The following RUFY1 variants were observed in gnomAD, a reference collection of about 807,000 sequenced individuals.
RUFY1 encodes the protein RUN and FYVE domain containing 1, also known as RUN and FYVE domain-containing protein 1.
RUFY1 carries 54 observed loss-of-function variants against 94.6 expected under a neutral mutation model. That is an observed-to-expected ratio of 0.57 (90% CI 0.46 to 0.72). The LOEUF (loss-of-function observed/expected upper bound fraction) is 0.72, where lower values mean the gene tolerates loss of function less well. RUFY1 is among the 30% of genes least tolerant of loss of function. The probability of loss-of-function intolerance (pLI) is 0.00; values close to 1 mark genes in which losing one functional copy is unlikely to be tolerated. For missense variants in RUFY1, 883 were observed against 883.9 expected (o/e 1.00, Z 0.01); for synonymous variants, 396 against 347.3 (o/e 1.14, Z -1.56).
chr5:179,569,226 G>T, intron 4 of RUFY1, 76 bp from the exon 5 acceptor site: 1 of 1,606,908 alleles, frequency 6.2e-7, no homozygotes, highest in Non-Finnish European at 8.5e-7. Context: ...AGGTGAAAAG[G>T]CAGTTCAGGG....
chr5:179,582,671 C>A (rs935345988), intron 7 of RUFY1, among the ~76,000 whole-genome samples: 1 of 151,714 alleles, frequency 6.6e-6, no homozygotes, highest in Non-Finnish European at 1.5e-5. Flanking sequence ...TGGGGAAACC[C>A]CATCTCTACT....
chr5:179,564,501 T>C (rs1468064669), intron 3 of RUFY1, among the ~76,000 whole-genome samples: 1 of 149,816 alleles, frequency 6.7e-6, no homozygotes, highest in Non-Finnish European at 1.5e-5. Context: ...CTCAGCTCAC[T>C]GTAAGCTCCA....
chr5:179,606,114 G>A (rs958726295), intron 16 of RUFY1, 190 bp downstream of exon 16: 5 of 597,462 alleles, frequency 8.4e-6, no homozygotes, highest in African/African-American at 1.9e-5. Context: ...ACAGGTGGCC[G>A]AAGCTGAGCC....
chr5:179,587,207 C>G (rs1252116552), intron 8 of RUFY1, among the ~76,000 whole-genome samples: 2 of 151,980 alleles, frequency 1.3e-5, no homozygotes, highest in African/African-American at 2.4e-5. Context: ...TACACACCAC[C>G]AACACCCGGC....
At chr5:179,605,309 C>T (rs1025562640) in intron 15 of RUFY1, among the ~76,000 whole-genome samples, 13 of 150,320 alleles carry the variant, frequency 8.6e-5, no homozygotes, top group African/African-American at 2.7e-4. Context: ...CAGACTGTTT[C>T]CCTCAATTGC....
chr5:179,594,822 G>T (rs757153712), intron 11 of RUFY1, 44 bp from the exon 12 acceptor site: 2 of 1,216,660 alleles, frequency 1.6e-6, no homozygotes, highest in Admixed American at 3.4e-5. Flanking sequence ...CAGGTGCAAG[G>T]ATGTGGGACA....
At chr5:179,587,116 C>T (rs1240469684) in intron 8 of RUFY1, among the ~76,000 whole-genome samples, 2 of 150,890 alleles carry the variant, frequency 1.3e-5, no homozygotes, top group African/African-American at 2.4e-5. Context: ...TGCAGTGGCG[C>T]AGTCATAGCT....
chr5:179,564,536 C>T (rs1227336907), intron 3 of RUFY1, among the ~76,000 whole-genome samples: 2 of 151,622 alleles, frequency 1.3e-5, no homozygotes, highest in African/African-American at 2.4e-5. Context: ...GTGATCTTTC[C>T]CACCTCAGCC....
chr5:179,603,342 G>A (rs1249364454), intron 15 of RUFY1, among the ~76,000 whole-genome samples: 3 of 151,662 alleles, frequency 2.0e-5, no homozygotes, highest in Non-Finnish European at 4.4e-5. Flanking sequence ...CCCAGATGCA[G>A]GTGCTGGCCA....
chr5:179,579,497 A>AT (rs1479532985), intron 6 of RUFY1, among the ~76,000 whole-genome samples: 8 of 151,178 alleles, frequency 5.3e-5, no homozygotes, highest in Non-Finnish European at 8.9e-5. Context: ...CACCTGGCTA[A>AT]TTTTTTGTAT....
At chr5:179,590,212 G>A (rs1764942215) in intron 9 of RUFY1, among the ~76,000 whole-genome samples, 1 of 151,856 alleles carries the variant, frequency 6.6e-6, no homozygotes, top group Non-Finnish European at 1.5e-5. Flanking sequence ...CAGTTAGCTG[G>A]GCGTGGTGGC....
At chr5:179,551,045 G>T (rs899261588) in intron 1 of RUFY1, among the ~76,000 whole-genome samples, 166 bp downstream of exon 1, 4 of 151,836 alleles carry the variant, frequency 2.6e-5, no homozygotes, top group Non-Finnish European at 4.4e-5. Context: ...TTACTCCGGC[G>T]GCCCAGCCGA....
At chr5:179,576,423 T>A (rs1182512447) in intron 5 of RUFY1, among the ~76,000 whole-genome samples, 1 of 152,074 alleles carries the variant, frequency 6.6e-6, no homozygotes, top group Admixed American at 6.6e-5. Context: ...ATTTTTATCT[T>A]ATTTTATTTT....
intron 9 of RUFY1, 47 bp downstream of exon 9, chr5:179,589,694 C>G (rs1212866557): frequency 7.6e-7 from 1 of 1,319,700 alleles, no homozygotes; most frequent in Non-Finnish European, 1.1e-6. Context: ...CACTCAGACA[C>G]ACCTATTGTC....
At chr5:179,585,073 G>A (rs1764491202) in intron 7 of RUFY1, among the ~76,000 whole-genome samples, 1 of 152,162 alleles carries the variant, frequency 6.6e-6, no homozygotes, top group African/African-American at 2.4e-5. Flanking sequence ...GGAGGTTCCA[G>A]TGAGTTGAGC....
chr5:179,569,187 C>T, intron 4 of RUFY1, 115 bp from the exon 5 acceptor site: 4 of 1,572,700 alleles, frequency 2.5e-6, no homozygotes, highest in Non-Finnish European at 3.4e-6. Flanking sequence ...GGAGGAAATC[C>T]ACAGCAGTAT....
intron 5 of RUFY1, 109 bp downstream of exon 5, chr5:179,569,534 A>C (rs1173027658): frequency 1.8e-6 from 2 of 1,094,758 alleles, no homozygotes; most frequent in Admixed American, 3.5e-5. Flanking sequence ...CAAAGAGCCC[A>C]CTGGTAGAGG....
At chr5:179,596,447 T>G (rs1355504867) in intron 12 of RUFY1, 115 bp from the exon 13 acceptor site, 1 of 1,343,990 alleles carries the variant, frequency 7.4e-7, no homozygotes, top group Non-Finnish European at 1.1e-6. Context: ...GTGTTAAAAC[T>G]CACAAGAGTT....
chr5:179,608,539 G>A, intron 17 of RUFY1: 2 of 985,512 alleles, frequency 2.0e-6, no homozygotes, highest in Non-Finnish European at 2.4e-6. Context: ...CCCTTGGAAT[G>A]CAGCAAAGAG....
Sources: gnomAD v4.1 joint callset for allele counts (sites outside exome capture counted in the v4.1 genomes callset) on GRCh38, gnomAD v4.1.1 for gene constraint, MANE v1.5 for transcripts, NCBI Gene and HGNC (gene_info 2026-07-23, HGNC 2026-07-21) for gene names.